The following SEPTIN9 variants were observed in gnomAD, a reference collection of about 807,000 sequenced individuals.
SEPTIN9 encodes septin 9, also known as septin-9.
In SEPTIN9, 13 loss-of-function variants were observed where a neutral mutation model predicts 56.6. That is an observed-to-expected ratio of 0.23 (90% CI 0.15 to 0.37). SEPTIN9 has a LOEUF of 0.37. Among genes scored for constraint, SEPTIN9 ranks in the 10% least tolerant of loss-of-function variants. The pLI, the probability that SEPTIN9 is intolerant of heterozygous loss-of-function variation, is 1.00. For synonymous variants in SEPTIN9, 332 were observed against 334.1 expected, an observed-to-expected ratio of 0.99 and a Z score of 0.07; for missense variants, 650 against 823.1, an observed-to-expected ratio of 0.79 and a Z score of 2.57.
chr17:77,485,262 GA>G (rs1284136429), intron 4 of SEPTIN9, among the ~76,000 whole-genome samples: 1 of 117,324 alleles, frequency 8.5e-6, no homozygotes. Context: ...TGGTGATTGT[GA>G]TGGTGATGTG....
At chr17:77,406,622 C>G (rs559725291) in intron 3 of SEPTIN9, among the ~76,000 whole-genome samples, 1 of 151,756 alleles carries the variant, frequency 6.6e-6, no homozygotes, top group African/African-American at 2.4e-5. Flanking sequence ...CATGCCCCCA[C>G]TAGATTCTGA....
rs115070595 is a variant in SEPTIN9 at position 77,488,313 on chromosome 17, C to T, written c.1116C>T (p.Asn372=). The T allele has an allele frequency of 7.7e-5, 124 of 1,613,436 alleles. No individual in the cohort carries two copies. The highest frequency in any genetic ancestry group is 6.4e-4 in the African/African-American group (48 of 75,056). ...DTPGFGDHIN[N]ENCWQPIMKF... Reference sequence around the variant, plus strand: ...CAGGGTTCGGGGACCACATCAACAACGAGAACTGGTGAGGCCCCTCCAGGG... The same window carrying T: ...CAGGGTTCGGGGACCACATCAACAATGAGAACTGGTGAGGCCCCTCCAGGG... Residue 372 remains asparagine, a synonymous_variant, in exon 6 of 12, where the codon AAC becomes AAT. Transcript: ENST00000427177.
chr17:77,289,306 G>A (rs971434477), intron 1 of SEPTIN9, among the ~76,000 whole-genome samples: 4 of 151,524 alleles, frequency 2.6e-5, no homozygotes, highest in Non-Finnish European at 5.9e-5. Flanking sequence ...CATGTTGGCC[G>A]GGTTGGTTTC....
In SEPTIN9 at chr17:77,498,672, C is replaced by T. The variant is rs774513218; in HGVS notation, c.*14C>T. 1.0e-5 allele frequency: 16 copies of T among 1,550,442 alleles called. No homozygotes were observed. The East Asian group carries it at 3.1e-4, about 30-fold the overall frequency. ...CCGGAGATGTAGACGCCACCCTGCC[C>T]ACCCCCGGGATCCTGCCCCCAAGTC... On this transcript the variant is annotated 3_prime_UTR_variant, in exon 12 of 12. Coordinates refer to ENST00000427177, the MANE Select transcript of SEPTIN9 (RefSeq NM_001113491.2).
Position 77,500,285 on chromosome 17 carries a change from C to T in SEPTIN9, c.*1627C>T. The T allele has an allele frequency of 4.4e-6, 1 of 227,366 alleles. No individual in the cohort carries two copies. The highest frequency in any genetic ancestry group is 8.8e-6 in the Non-Finnish European group (1 of 114,006). The allele number at this position is 227,366 out of a possible 1,614,324, so 14.1% of individuals were successfully genotyped here. On this transcript the variant is annotated 3_prime_UTR_variant, in exon 12 of 12. Transcript: ENST00000427177. ...TGAGACAGTTTACTTTGCCAACTTG[C>T]CATGTTTTTGCCAAAACCAAGATTT...
At chr17:77,300,070 T>G (rs1268849867) in intron 1 of SEPTIN9, among the ~76,000 whole-genome samples, 1 of 152,210 alleles carries the variant, frequency 6.6e-6, no homozygotes, top group Non-Finnish European at 1.5e-5. Flanking sequence ...GGAGGATGGC[T>G]GAGACCCCTG....
rs185801959 is a variant in SEPTIN9 at position 77,458,629 on chromosome 17, C to T, written c.722-23515C>T. ...GGGATGAAACTGAAGAGGCTCAGCA[C>T]GGAACCTGGACACAGAAGTGCTAAT... On this transcript the variant is annotated intron_variant, in intron 3 of 11. Coordinates refer to ENST00000427177, the MANE Select transcript of SEPTIN9 (RefSeq NM_001113491.2). Among the ~76,000 whole-genome samples the T allele has an allele frequency of 1.6e-3, 239 of 152,306 alleles. 1 individual carries two copies. The highest frequency in any genetic ancestry group is 1.8e-3 in the Non-Finnish European group (125 of 68,006).
chr17:77,368,947 C>G (rs546516474), intron 2 of SEPTIN9, among the ~76,000 whole-genome samples: 46 of 152,300 alleles, frequency 3.0e-4, no homozygotes, highest in African/African-American at 1.1e-3. Flanking sequence ...ATACAGATAA[C>G]TTGAAATTGG....
chr17:77,373,369 T>G (rs1319373766), intron 2 of SEPTIN9: 115 of 1,206,204 alleles, frequency 9.5e-5, no homozygotes, highest in Non-Finnish European at 1.2e-4. Flanking sequence ...GCCTAGGGGC[T>G]CCTCCGGCGG....
rs749191443 is a variant in SEPTIN9, at chr17:77,317,795, G to A, written c.76+10598G>A. On this transcript the variant is annotated intron_variant, in intron 2 of 11. Transcript: ENST00000427177. The surrounding 1 kb of genome is among the most constrained non-coding windows in gnomAD (Gnocchi z 4.2). Reference sequence around the variant, plus strand: ...AGGCCAGGCACAGTGGCTTATGCCTGTAATCCCAGCACTTTGGGAGGCCAA... The same window carrying A: ...AGGCCAGGCACAGTGGCTTATGCCTATAATCCCAGCACTTTGGGAGGCCAA... 5.3e-5 allele frequency among the ~76,000 whole-genome samples: 8 copies of A among 152,200 alleles called. No individual in the cohort carries two copies. The highest frequency in any genetic ancestry group is 7.2e-5 in the African/African-American group (3 of 41,462).
chr17:77,482,677 T>A, intron 4 of SEPTIN9: 1 of 602,974 alleles, frequency 1.7e-6, no homozygotes, highest in Non-Finnish European at 3.0e-6. Context: ...GTCCCCTCAC[T>A]GTTGCTCCAG....
At chr17:77,285,643 C>T (rs1035909980) in intron 1 of SEPTIN9, among the ~76,000 whole-genome samples, 2 of 152,212 alleles carry the variant, frequency 1.3e-5, no homozygotes, top group Non-Finnish European at 2.9e-5. Context: ...AGGTGATCCA[C>T]CCGCCTCAGC....
Position 77,451,321 on chromosome 17 carries a change from C to T in SEPTIN9, c.722-30823C>T, listed in dbSNP as rs2037958266. 3.1e-6 allele frequency: 3 copies of T among 976,944 alleles called. No individual in the cohort carries two copies. Among genetic ancestry groups the T allele is most frequent in the Non-Finnish European group, 3.7e-6 (3 of 821,898 alleles). The allele number at this position is 976,944 out of a possible 1,614,324, so 60.5% of individuals were successfully genotyped here. On this transcript the variant is annotated intron_variant, in intron 3 of 11. Transcript: ENST00000427177. This position sits in a 1 kb window ranked among gnomAD's most constrained non-coding sequence, Gnocchi z 4.2. ...GCCTGCCCCCTCCTCCTGCTCCCCT[C>T]GCCCTGCCCCCTTGGAGCAATTCCC...
rs554922215 is a variant in SEPTIN9, at chr17:77,290,208, G to C, written c.19+8654G>C. Among the ~76,000 whole-genome samples, 6 of 152,104 alleles carry C rather than the reference G, an allele frequency of 3.9e-5. No individual in the cohort carries two copies. The South Asian group carries it at 1.3e-3, about 32-fold the overall frequency. On this transcript the variant is annotated intron_variant, in intron 1 of 11. Coordinates refer to ENST00000427177, the MANE Select transcript of SEPTIN9 (RefSeq NM_001113491.2). ...CCATGCTTATAGCTTTGGGCCTGGGGCTAGGTGGAGACTGGCTTCAACCCT... is the reference window on the plus strand; with the variant it reads ...CCATGCTTATAGCTTTGGGCCTGGGCCTAGGTGGAGACTGGCTTCAACCCT...
At chr17:77,481,272 A>G (rs2039444095) in intron 3 of SEPTIN9, among the ~76,000 whole-genome samples, 1 of 152,244 alleles carries the variant, frequency 6.6e-6, no homozygotes, top group Non-Finnish European at 1.5e-5. Flanking sequence ...CGGGAAGTTC[A>G]GCTCCACGTG....
chr17:77,358,760 A>G (rs898063569), intron 2 of SEPTIN9, among the ~76,000 whole-genome samples: 35 of 152,226 alleles, frequency 2.3e-4, no homozygotes, highest in African/African-American at 8.4e-4. Context: ...ATTGCACCAG[A>G]TTCTGCCAGG....
chr17:77,354,952 C>T (rs752250076), intron 2 of SEPTIN9, among the ~76,000 whole-genome samples: 5 of 152,106 alleles, frequency 3.3e-5, no homozygotes, highest in Non-Finnish European at 7.3e-5. Flanking sequence ...CTTGCCCGGG[C>T]TCCCCCAGCC....
At chr17:77,459,207 C>G (rs2038350464) in intron 3 of SEPTIN9, among the ~76,000 whole-genome samples, 2 of 152,236 alleles carry the variant, frequency 1.3e-5, no homozygotes, top group South Asian at 4.1e-4. Flanking sequence ...CCTAAAGTCC[C>G]TTAGCTGTCC....
At chr17:77,484,861 G>A (rs2143278728) in intron 4 of SEPTIN9, among the ~76,000 whole-genome samples, 1 of 144,442 alleles carries the variant, frequency 6.9e-6, no homozygotes, top group Admixed American at 6.8e-5. Flanking sequence ...TGATGTGGGT[G>A]GTGGTGATTG....
Sources: allele counts gnomAD v4.1 joint callset (sites outside exome capture counted in the v4.1 genomes callset), GRCh38; gene constraint gnomAD v4.1.1; non-coding constraint Gnocchi (gnomAD v3.1); transcripts MANE v1.5; gene names NCBI Gene and HGNC (gene_info 2026-07-23, HGNC 2026-07-21).